SRR: variants seen among roughly 807,000 people sequenced by gnomAD.
The protein encoded by SRR is serine racemase, also known as D-serine ammonia-lyase.
SRR carries 19 observed loss-of-function variants against 32.7 expected under a neutral mutation model. The ratio of observed to expected loss-of-function variants is 0.58; its 90% CI spans 0.40 to 0.85. SRR has a LOEUF of 0.85. Among genes scored for constraint, SRR ranks in the 40% least tolerant of loss-of-function variants. The probability of loss-of-function intolerance (pLI) is 0.00; values close to 1 mark genes in which losing one functional copy is unlikely to be tolerated. For missense variants in SRR, 373 were observed against 404.7 expected (o/e 0.92, Z 0.67); for synonymous variants, 142 against 140.9 (o/e 1.01, Z -0.06).
At position 2,325,010 on chromosome 17, in the gene SRR, C is replaced by CT. The variant is rs2075567186; in HGVS notation, c.*1139dup. The CT allele has an allele frequency of 1.5e-6, 1 of 658,270 alleles. No homozygotes were observed. The highest frequency in any genetic ancestry group is 1.8e-5 in the African/African-American group (1 of 54,982). 40.8% of individuals were successfully genotyped at this position (658,270 alleles called of 1,614,324 possible). A position where few individuals can be genotyped will look rare whatever the true frequency, so the allele number is the denominator to read the frequency against. ...AACCTTGTCAATAGGTTCTTGAAAACTTGTACTTCAAGAGAAATGATGTAT... is the reference window on the plus strand; with the variant it reads ...AACCTTGTCAATAGGTTCTTGAAAACTTTGTACTTCAAGAGAAATGATGTAT... On this transcript the variant is annotated 3_prime_UTR_variant, in exon 8 of 8. Coordinates refer to ENST00000344595, the MANE Select transcript of SRR (RefSeq NM_021947.3).
intron 1 of SRR, among the ~76,000 whole-genome samples, chr17:2,313,565 G>A (rs961139065): frequency 3.2e-4 from 48 of 151,594 alleles, no homozygotes; most frequent in African/African-American, 9.5e-4. Flanking sequence ...GTGAAACCCC[G>A]CCTCTACGAA....
chr17:2,316,112 C>T (rs145811359), intron 2 of SRR, among the ~76,000 whole-genome samples: 94 of 152,138 alleles, frequency 6.2e-4, no homozygotes, highest in African/African-American at 2.2e-3. Flanking sequence ...ATTTACTGTA[C>T]GATTTCTGTG....
rs1401076800 is a variant in SRR at position 2,324,177 on chromosome 17, C to A, written c.*304C>A. The A allele has an allele frequency of 2.0e-6, 3 of 1,514,550 alleles. No homozygotes were observed. The African/African-American group carries it at 4.2e-5, about 21-fold the overall frequency. The allele number at this position is 1,514,550 out of a possible 1,614,324, so 93.8% of individuals were successfully genotyped here. On this transcript the variant is annotated 3_prime_UTR_variant, in exon 8 of 8. Coordinates refer to ENST00000344595, the MANE Select transcript of SRR (RefSeq NM_021947.3). ...GGAGTACTGACTGGCACCGGTAAGA[C>A]AGAATCTCTTTGAATCCATTACTCC...
At chr17:2,318,619 A>C (rs1207716188) in intron 3 of SRR, among the ~76,000 whole-genome samples, 1 of 92,550 alleles carries the variant, frequency 1.1e-5, no homozygotes, top group Non-Finnish European at 2.0e-5. Context: ...ATGCCTGGCT[A>C]TTTTTTTTTT....
intron 6 of SRR, 70 bp from the exon 7 acceptor site, chr17:2,323,066 A>G (rs765315304): frequency 7.6e-5 from 114 of 1,506,162 alleles, no homozygotes; most frequent in Non-Finnish European, 1.0e-4. Context: ...CACCAGGCCC[A>G]TATTTTCTTT....
At chr17:2,323,385 T>C in intron 7 of SRR, 40 bp downstream of exon 7, 3 of 1,611,014 alleles carry the variant, frequency 1.9e-6, no homozygotes, top group Non-Finnish European at 2.5e-6. Flanking sequence ...AAGCATGGTG[T>C]AACTTCTTAG....
chr17:2,307,172 C>T, intron 1 of SRR: 2 of 1,347,556 alleles, frequency 1.5e-6, no homozygotes, highest in South Asian at 2.3e-5. Context: ...GAAATCATGA[C>T]TGACCAAGGC....
At chr17:2,308,050 A>T (rs569921834) in intron 1 of SRR, among the ~76,000 whole-genome samples, 46 of 148,562 alleles carry the variant, frequency 3.1e-4, no homozygotes, top group East Asian at 1.7e-3. Flanking sequence ...TGTCTTTTTA[A>T]AAAAAAAAAA....
intron 4 of SRR, among the ~76,000 whole-genome samples, chr17:2,319,358 T>C (rs2075505202): frequency 6.6e-6 from 1 of 152,186 alleles, no homozygotes. Context: ...TTTTTTGTTG[T>C]TGTTGTTAAA....
chr17:2,312,524 G>A (rs977335574), intron 1 of SRR, among the ~76,000 whole-genome samples: 2 of 152,178 alleles, frequency 1.3e-5, no homozygotes, highest in African/African-American at 4.8e-5. Context: ...GAACCTGGGA[G>A]GTGGAGGTTG....
chr17:2,306,789 C>G, intron 1 of SRR: 1 of 703,274 alleles, frequency 1.4e-6, no homozygotes, highest in Non-Finnish European at 2.6e-6. Context: ...CTAAAGAGCT[C>G]GTACAGCTGA....
chr17:2,321,345 G>A lies in SRR; in HGVS notation c.439G>A (p.Glu147Lys). Residue 147 changes from glutamate to lysine, a missense_variant, in exon 5 of 8, where the codon GAA becomes AAA. Glu to Lys is a moderately conservative substitution (Grantham distance 56, BLOSUM62 1). Transcript: ENST00000344595. ...TGCAAAAAGAGTTACAGAAGAAACAGAAGGCATCATGGTACATCCCAACCA... is the reference window on the plus strand; with the variant it reads ...TGCAAAAAGAGTTACAGAAGAAACAAAAGGCATCATGGTACATCCCAACCA... ...NVAKRVTEET[E>K]GIMVHPNQEP... 1 of 1,613,552 alleles carries A rather than the reference G, an allele frequency of 6.2e-7. No individual in the cohort carries two copies. Among genetic ancestry groups the A allele is most frequent in the Non-Finnish European group, 8.5e-7 (1 of 1,179,860 alleles).
intron 6 of SRR, 53 bp from the exon 7 acceptor site, chr17:2,323,083 T>A: frequency 6.4e-7 from 1 of 1,574,230 alleles, no homozygotes. Context: ...CTTTTAGACA[T>A]GCAGGCAATG....
At chr17:2,322,235 C>T (rs1034333463) in intron 6 of SRR, among the ~76,000 whole-genome samples, 14 of 151,998 alleles carry the variant, frequency 9.2e-5, no homozygotes, top group African/African-American at 2.7e-4. Context: ...AGCCAACTCT[C>T]TTCTTAATCC....
chr17:2,311,296 C>A (rs190073564), intron 1 of SRR, among the ~76,000 whole-genome samples: 2 of 152,194 alleles, frequency 1.3e-5, no homozygotes, highest in African/African-American at 2.4e-5. Flanking sequence ...AAGCAATCCT[C>A]CTGCCACTGT....
intron 2 of SRR, among the ~76,000 whole-genome samples, chr17:2,316,440 C>T (rs1013727006): frequency 3.9e-5 from 6 of 152,226 alleles, no homozygotes; most frequent in Admixed American, 1.3e-4. Context: ...GACACCTGAA[C>T]TGTTGCAGGC....
intron 1 of SRR, among the ~76,000 whole-genome samples, chr17:2,311,180 C>T (rs890187525): frequency 1.5e-4 from 23 of 152,060 alleles, no homozygotes; most frequent in African/African-American, 4.6e-4. Flanking sequence ...AGAGCCACCA[C>T]GCCCAGCCAA....
intron 1 of SRR, chr17:2,309,873 A>G (rs2075421159): frequency 1.3e-5 from 2 of 152,130 alleles, no homozygotes; most frequent in South Asian, 2.1e-4. Flanking sequence ...ATTCCCCTTC[A>G]GTGTGGAAGC....
chr17:2,323,133 CAGGCTCTGAAACCT>C lies in SRR; in HGVS notation c.595_608del (p.Ala199CysfsTer7). 6.2e-7 allele frequency: 1 copy of C among 1,614,086 alleles called. No homozygotes were observed. The highest frequency in any genetic ancestry group is 8.5e-7 in the Non-Finnish European group (1 of 1,179,960). ...TAAGATGTCTTAATATTCCTCTTCC[CAGGCTCTGAAACCT>C]AGTGTGAAGGTATATGCTGCTGAAC... is the stretch of plus-strand genomic sequence containing the variant. On this transcript the variant is annotated splice_acceptor_variant and coding_sequence_variant, in exon 7 of 8. Transcript: ENST00000344595. LOFTEE classifies it high-confidence loss of function.
Sources: allele counts gnomAD v4.1 joint callset (sites outside exome capture counted in the v4.1 genomes callset), GRCh38; gene constraint gnomAD v4.1.1; transcripts MANE v1.5; gene names NCBI Gene and HGNC (gene_info 2026-07-23, HGNC 2026-07-21).